SUN1: variants seen among roughly 807,000 people sequenced by gnomAD.
The protein encoded by SUN1 is SUN domain-containing protein 1.
Under a neutral mutation model 103.2 loss-of-function variants are expected in SUN1, and 61 were observed. That is an observed-to-expected ratio of 0.59 (90% confidence interval 0.48 to 0.73). The LOEUF (loss-of-function observed/expected upper bound fraction) is 0.73, where lower values mean the gene tolerates loss of function less well. SUN1 is among the 30% of genes least tolerant of loss of function. The pLI is 0.00. For missense variants in SUN1, 1,052 were observed against 1,034.6 expected (o/e 1.02, Z -0.23); for synonymous variants, 490 against 425.7 (o/e 1.15, Z -1.86).
chr7:838,944 G>C lies in SUN1; in HGVS notation c.224G>C (p.Ser75Thr), dbSNP rs758464179. 6.2e-7 allele frequency: 1 copy of C among 1,608,700 alleles called. No individual in the cohort carries two copies. Among genetic ancestry groups the C allele is most frequent in the South Asian group, 1.1e-5 (1 of 89,482 alleles). The change falls in exon 2 of 19, where the codon AGC becomes ACC. Residue 75 changes from serine (S) to threonine (T), a missense_variant. Physicochemically the swap from Ser to Thr is moderately conservative, Grantham distance 58 (BLOSUM62 1). This residue lies in a region of SUN1 where 846 missense variants were observed against 774.5 expected (regional missense o/e 1.09). Transcript: ENST00000401592. ...LGDGEAVGAD[S>T]GTSSAVSLKN... Reference sequence around the variant, plus strand: ...GATGGTGAGGCTGTGGGTGCCGACAGCGGCACCAGCAGCGCTGTCTCCCTG... The same window carrying C: ...GATGGTGAGGCTGTGGGTGCCGACACCGGCACCAGCAGCGCTGTCTCCCTG...
chr7:842,311 C>T (rs1223769109), intron 3 of SUN1, among the ~76,000 whole-genome samples, 181 bp downstream of exon 3: 1 of 152,146 alleles, frequency 6.6e-6, no homozygotes, highest in Non-Finnish European at 1.5e-5. Flanking sequence ...CAGTTAGGTT[C>T]CAGGCTTGTC....
intron 1 of SUN1, among the ~76,000 whole-genome samples, chr7:823,638 G>C (rs1562484906): frequency 6.6e-6 from 1 of 152,212 alleles, no homozygotes. Flanking sequence ...AGCCATGGGG[G>C]GAGTCTGTGC....
chr7:850,039 C>T (rs772483333), intron 5 of SUN1: 5 of 1,572,702 alleles, frequency 3.2e-6, no homozygotes, highest in Middle Eastern at 1.7e-4. Context: ...TGCAGGTTGT[C>T]TCTCGCCCCG....
chr7:850,971 G>A (rs928344149), intron 5 of SUN1, among the ~76,000 whole-genome samples: 5 of 152,022 alleles, frequency 3.3e-5, no homozygotes, highest in African/African-American at 1.2e-4. Context: ...TTATTTCCTC[G>A]CCTAGCACAT....
rs1007011727 is a variant in SUN1 at position 852,756 on chromosome 7, A to G, written c.911-54A>G. 6.8e-6 allele frequency: 11 copies of G among 1,612,434 alleles called. No individual in the cohort carries two copies. In the African/African-American group the frequency reaches 1.1e-4, roughly 16 times the overall value. On this transcript the variant is annotated intron_variant, in intron 8 of 18. Transcript: ENST00000401592. ...TGGAAAAAAATGAGCGTGTAAGTCC[A>G]TGTTTTGAGAAGCGTGGTGTACCTG... is the stretch of plus-strand genomic sequence containing the variant.
chr7:869,555 C>G (rs747443196), intron 17 of SUN1, 39 bp downstream of exon 17: 1 of 1,596,810 alleles, frequency 6.3e-7, no homozygotes, highest in Non-Finnish European at 8.6e-7. Flanking sequence ...CCCACACCTT[C>G]CTGGGAGTTC....
chr7:853,304 G>C, intron 9 of SUN1, 105 bp from the exon 10 acceptor site: 16 of 1,306,212 alleles, frequency 1.2e-5, no homozygotes, highest in Non-Finnish European at 1.6e-5. Context: ...TGTGCCGTGC[G>C]CCCCAGAGCT....
chr7:860,568 G>A (rs1259401521), intron 14 of SUN1, among the ~76,000 whole-genome samples, 186 bp downstream of exon 14: 2 of 152,222 alleles, frequency 1.3e-5, no homozygotes, highest in Non-Finnish European at 2.9e-5. Context: ...CACCTGTGCG[G>A]TGAGCTTCAG....
At chr7:830,231 G>A (rs1430360659), upstream of SUN1, among the ~76,000 whole-genome samples, 2 of 152,304 alleles carry the variant, frequency 1.3e-5, no homozygotes, top group Middle Eastern at 3.4e-3. Flanking sequence ...CCTTGGGGAC[G>A]CTGGGGCACA....
intron 1 of SUN1, among the ~76,000 whole-genome samples, chr7:827,475 T>G (rs1018154344): frequency 1.4e-5 from 2 of 142,880 alleles, no homozygotes; most frequent in Admixed American, 7.1e-5. Flanking sequence ...CGTTTTTTTT[T>G]TTTTTTTTTT....
intron 5 of SUN1, among the ~76,000 whole-genome samples, chr7:846,863 C>T (rs193002130): frequency 6.6e-6 from 1 of 151,662 alleles, no homozygotes; most frequent in Non-Finnish European, 1.5e-5. Context: ...AAATACAAAA[C>T]GTCAGCTGGG....
intron 14 of SUN1, among the ~76,000 whole-genome samples, chr7:860,704 C>T (rs927045061): frequency 4.6e-5 from 7 of 152,236 alleles, no homozygotes; most frequent in Admixed American, 3.3e-4. Context: ...ATGAAAGTCT[C>T]TCCGTGTATT....
intron 2 of SUN1, 21 bp from the exon 3 acceptor site, chr7:841,925 G>GCTGTTTTTTTTT: frequency 6.2e-7 from 1 of 1,611,842 alleles, no homozygotes; most frequent in Non-Finnish European, 8.5e-7. Context: ...CTATAAACTT[G>GCTGTTTTTTTTT]CTGTTTTTTT....
chr7:873,501 C>G lies in SUN1; in HGVS notation c.*170C>G. 1.5e-6 allele frequency: 1 copy of G among 647,508 alleles called. No individual in the cohort carries two copies. The highest frequency in any genetic ancestry group is 2.7e-6 in the Non-Finnish European group (1 of 377,230). 40.1% of individuals were successfully genotyped at this position (647,508 alleles called of 1,614,324 possible). ...CGTGTGACGGGCGCCTTGGCGCCAC[C>G]TGTTGGGTGCTCACTGCCTCTGCAG... On this transcript the variant is annotated 3_prime_UTR_variant, in exon 19 of 19. Coordinates refer to ENST00000401592, the MANE Select transcript of SUN1 (RefSeq NM_001130965.3).
intron 5 of SUN1, chr7:849,976 C>G (rs1820338629): frequency 6.2e-7 from 1 of 1,602,728 alleles, no homozygotes. Flanking sequence ...CGCCCACTCG[C>G]AGTCGCCACG....
At chr7:838,415 T>C (rs914565851) in intron 1 of SUN1, among the ~76,000 whole-genome samples, 1 of 152,178 alleles carries the variant, frequency 6.6e-6, no homozygotes, top group Non-Finnish European at 1.5e-5. Flanking sequence ...CACTGGTGTA[T>C]TGGATTAAAT....
intron 1 of SUN1, among the ~76,000 whole-genome samples, chr7:838,594 A>T (rs1271956066): frequency 3.3e-5 from 5 of 152,290 alleles, no homozygotes; most frequent in Admixed American, 3.3e-4. Flanking sequence ...GATGTGAAGG[A>T]AGAGTGGCTG....
intron 1 of SUN1, among the ~76,000 whole-genome samples, chr7:825,057 C>T (rs762596898): frequency 2.6e-5 from 4 of 151,886 alleles, no homozygotes; most frequent in Non-Finnish European, 2.9e-5. Flanking sequence ...ATATTTATTA[C>T]GATAATTTTT....
Position 853,735 on chromosome 7 carries a change from C to T in SUN1, c.1263+117C>T, listed in dbSNP as rs566767905. 2.5e-5 allele frequency: 29 copies of T among 1,176,460 alleles called. No homozygotes were observed. In the East Asian group the frequency reaches 3.3e-4, roughly 13 times the overall value. 72.9% of individuals were successfully genotyped at this position (1,176,460 alleles called of 1,614,324 possible). On this transcript the variant is annotated intron_variant, in intron 10 of 18. Transcript: ENST00000401592. ...GAGGTGCCGTTGTGAAAAGGGGTTG[C>T]CCTTTCTGTTCTTAGTTGTTGAGAG...
Sources: allele counts gnomAD v4.1 joint callset (sites outside exome capture counted in the v4.1 genomes callset), GRCh38; gene constraint gnomAD v4.1.1; regional missense constraint gnomAD v4.1.1; transcripts MANE v1.5; gene names NCBI Gene and HGNC (gene_info 2026-07-23, HGNC 2026-07-21).